PDE10A: variants seen among roughly 807,000 people sequenced by gnomAD.
PDE10A encodes the protein cAMP and cAMP-inhibited cGMP 3',5'-cyclic phosphodiesterase 10A.
PDE10A carries 39 observed loss-of-function variants against 97.7 expected under a neutral mutation model. That is an observed-to-expected ratio of 0.40 (90% confidence interval 0.31 to 0.52). The LOEUF is 0.52. PDE10A is among the 20% of genes least tolerant of loss of function. PDE10A has a pLI of 0.56. For synonymous variants in PDE10A, 371 were observed against 376.8 expected (o/e 0.98, Z 0.18); for missense variants, 731 against 1,047.8 (o/e 0.70, Z 4.17).
chr6:165,697,918 A>G (rs1465928394), intron 1 of PDE10A, among the ~76,000 whole-genome samples: 1 of 152,202 alleles, frequency 6.6e-6, no homozygotes, highest in Non-Finnish European at 1.5e-5. Flanking sequence ...AGGAGAAAAG[A>G]AGAAAGAGCA....
chr6:165,580,683 A>C (rs1418896980), intron 1 of PDE10A, among the ~76,000 whole-genome samples: 2 of 152,244 alleles, frequency 1.3e-5, no homozygotes, highest in Non-Finnish European at 2.9e-5. Context: ...CACCTTTCAA[A>C]CTCACATATA....
At chr6:165,831,696 AG>A (rs1416629306) in intron 1 of PDE10A, among the ~76,000 whole-genome samples, 3 of 151,940 alleles carry the variant, frequency 2.0e-5, no homozygotes. Flanking sequence ...CGTGTTAGCC[AG>A]GATGGTCTCG....
At chr6:165,421,272 T>A (rs2128232103) in intron 10 of PDE10A, among the ~76,000 whole-genome samples, 1 of 152,076 alleles carries the variant, frequency 6.6e-6, no homozygotes, top group African/African-American at 2.4e-5. Flanking sequence ...CGAGACCCCT[T>A]CTCTACAAAA....
intron 1 of PDE10A, among the ~76,000 whole-genome samples, chr6:165,630,851 T>TA (rs941804901): frequency 1.3e-5 from 2 of 152,040 alleles, no homozygotes; most frequent in African/African-American, 4.8e-5. Context: ...GTAGGAAACA[T>TA]AGAGAATAAA....
intron 1 of PDE10A, among the ~76,000 whole-genome samples, chr6:165,867,792 A>G (rs1232164360): frequency 6.6e-6 from 1 of 152,110 alleles, no homozygotes; most frequent in African/African-American, 2.4e-5. Context: ...TACAAGTCTC[A>G]ACAAATTTTT....
At chr6:165,644,217 C>T (rs1032888481) in intron 1 of PDE10A, among the ~76,000 whole-genome samples, 10 of 141,478 alleles carry the variant, frequency 7.1e-5, no homozygotes, top group Non-Finnish European at 1.3e-4. Context: ...CACCACGCCC[C>T]GCTAATTTTT....
chr6:165,874,396 T>G (rs1056849788), intron 1 of PDE10A, among the ~76,000 whole-genome samples: 1 of 152,064 alleles, frequency 6.6e-6, no homozygotes, highest in Non-Finnish European at 1.5e-5. Flanking sequence ...TTAGCCAGAG[T>G]AAGCAGGGTA....
intron 1 of PDE10A, among the ~76,000 whole-genome samples, chr6:165,770,865 CGG>C (rs1333677204): frequency 6.6e-6 from 1 of 152,202 alleles, no homozygotes; most frequent in Non-Finnish European, 1.5e-5. Flanking sequence ...CAGGTGCTCC[CGG>C]GGCCACCTTG....
chr6:165,974,905 A>G (rs1784803181), intron 1 of PDE10A, among the ~76,000 whole-genome samples: 1 of 152,124 alleles, frequency 6.6e-6, no homozygotes, highest in African/African-American at 2.4e-5. Context: ...CTAGGAACAC[A>G]CCTGCCCTAT....
At chr6:165,531,896 C>T (rs1360627015) in intron 2 of PDE10A, among the ~76,000 whole-genome samples, 7 of 152,298 alleles carry the variant, frequency 4.6e-5, no homozygotes, top group Non-Finnish European at 8.8e-5. Flanking sequence ...TTTAAACCAT[C>T]TTCTTGCATT....
chr6:165,438,183 T>A (rs1256604818), intron 5 of PDE10A, among the ~76,000 whole-genome samples: 2 of 152,128 alleles, frequency 1.3e-5, no homozygotes, highest in Non-Finnish European at 1.5e-5. Flanking sequence ...CTTTTTTTAA[T>A]TTTTAATTTT....
In PDE10A at chr6:165,976,717, C is replaced by T. The variant is rs117120980; in HGVS notation, c.-615+10812G>A. ...CTGAATCACTCAAGAATTTGGTAAA[C>T]TTGACAGAGCACTAGACTCACACAG... On this transcript the variant is annotated intron_variant, in intron 1 of 19. Coordinates refer to the PDE10A transcript ENST00000366882. Among the ~76,000 whole-genome samples, 14 of 152,322 alleles carry T rather than the reference C, an allele frequency of 9.2e-5. No homozygotes were observed. The East Asian group carries it at 2.5e-3, about 27-fold the overall frequency.
At chr6:165,472,288 CTCTT>C (rs1247664628) in intron 3 of PDE10A, among the ~76,000 whole-genome samples, 9 of 152,010 alleles carry the variant, frequency 5.9e-5, no homozygotes, top group Non-Finnish European at 1.3e-4. Flanking sequence ...TTGCTATTCT[CTCTT>C]TAATTATTAA....
intron 2 of PDE10A, among the ~76,000 whole-genome samples, chr6:165,522,630 G>A (rs1037697829): frequency 1.1e-4 from 17 of 152,002 alleles, no homozygotes; most frequent in Non-Finnish European, 2.9e-5. Flanking sequence ...AAGTAGTTAA[G>A]AGCCATCTAT....
chr6:165,963,464 TG>T (rs1217346597), intron 1 of PDE10A, among the ~76,000 whole-genome samples: 1 of 152,222 alleles, frequency 6.6e-6, no homozygotes, highest in Middle Eastern at 3.2e-3. Flanking sequence ...ATGCCTGCTG[TG>T]CGACCTTCTA....
At chr6:165,646,952 T>C (rs1039353156) in intron 1 of PDE10A, among the ~76,000 whole-genome samples, 1 of 152,198 alleles carries the variant, frequency 6.6e-6, no homozygotes, top group Non-Finnish European at 1.5e-5. Flanking sequence ...GATAAAGCCT[T>C]GATAGCTTTG....
chr6:165,904,678 G>T (rs1234501965), intron 1 of PDE10A, among the ~76,000 whole-genome samples: 1 of 152,094 alleles, frequency 6.6e-6, no homozygotes, highest in Non-Finnish European at 1.5e-5. Flanking sequence ...CATAAGAAAA[G>T]AAGTATTCTT....
intron 2 of PDE10A, among the ~76,000 whole-genome samples, chr6:165,491,543 A>C (rs971981563): frequency 3.9e-5 from 6 of 152,092 alleles, no homozygotes; most frequent in Non-Finnish European, 8.8e-5. Context: ...CATAGCAAGG[A>C]CTCTCTCAGA....
At chr6:165,421,434 C>A (rs1203749953) in intron 10 of PDE10A, among the ~76,000 whole-genome samples, 2 of 151,306 alleles carry the variant, frequency 1.3e-5, no homozygotes, top group Admixed American at 1.3e-4. Flanking sequence ...CAGAGCAAGA[C>A]CCCGTCTCAA....
Sources: allele counts gnomAD v4.1 joint callset (sites outside exome capture counted in the v4.1 genomes callset), GRCh38; gene constraint gnomAD v4.1.1; transcripts MANE v1.5; gene names NCBI Gene and HGNC (gene_info 2026-07-23, HGNC 2026-07-21).